Variants in CADPS2 observed in about 807,000 individuals in gnomAD.
CADPS2 encodes calcium-dependent secretion activator 2.
A neutral mutation model predicts 172.5 loss-of-function variants in CADPS2; 93 were observed. The observed-to-expected ratio is 0.54, with a 90% confidence interval of 0.46 to 0.64. The LOEUF (loss-of-function observed/expected upper bound fraction) is 0.64. Among genes scored for constraint, CADPS2 ranks in the 30% least tolerant of loss-of-function variants. CADPS2 has a pLI of 0.00. For synonymous variants in CADPS2, 546 were observed against 555.2 expected (o/e 0.98, Z 0.23); for missense variants, 1,420 against 1,565.9 (o/e 0.91, Z 1.57).
chr7:122,741,041 A>G (rs1047041011), intron 1 of CADPS2, among the ~76,000 whole-genome samples: 2 of 152,164 alleles, frequency 1.3e-5, no homozygotes, highest in Non-Finnish European at 2.9e-5. Flanking sequence ...GTAGAAGGTT[A>G]TTTACCACAT....
intron 7 of CADPS2, among the ~76,000 whole-genome samples, chr7:122,558,133 G>A (rs1165345310): frequency 6.6e-6 from 1 of 152,112 alleles, no homozygotes; most frequent in African/African-American, 2.4e-5. Context: ...GCATTTAGCA[G>A]TATCCTAACT....
intron 7 of CADPS2, among the ~76,000 whole-genome samples, chr7:122,558,774 T>C (rs1276042304): frequency 1.3e-5 from 2 of 152,222 alleles, no homozygotes; most frequent in Non-Finnish European, 2.9e-5. Flanking sequence ...CACTTCTACA[T>C]TGTTTCTTTT....
At chr7:122,721,802 G>A (rs2090442098) in intron 2 of CADPS2, among the ~76,000 whole-genome samples, 1 of 152,072 alleles carries the variant, frequency 6.6e-6, no homozygotes, top group East Asian at 1.9e-4. Flanking sequence ...ATAAAATACT[G>A]GCAAACTGAA....
intron 6 of CADPS2, among the ~76,000 whole-genome samples, chr7:122,597,913 A>T (rs1036138429): frequency 4.1e-5 from 6 of 147,438 alleles, no homozygotes; most frequent in Non-Finnish European, 9.0e-5. Flanking sequence ...TCTTTTTAAC[A>T]TTTTTTTTTT....
At chr7:122,491,479 T>A in intron 9 of CADPS2, 59 bp from the exon 10 acceptor site, 1 of 861,898 alleles carries the variant, frequency 1.2e-6, no homozygotes, top group Non-Finnish European at 1.8e-6. Context: ...AATTTAACTT[T>A]CGTTTTTTTA....
Position 122,708,698 on chromosome 7 carries a change from C to T in CADPS2, c.453+28257G>A, listed in dbSNP as rs77500267. Among the ~76,000 whole-genome samples the T allele has an allele frequency of 3.5e-3, 536 of 151,566 alleles. 14 individuals are homozygous for T. The East Asian group carries it at 0.065, about 19-fold the overall frequency. Reference sequence around the variant, plus strand: ...ATGGGCATAAATAAACTAAATTAAACTCTCTTCTTCATTCAGAATTCAAGT... The same window carrying T: ...ATGGGCATAAATAAACTAAATTAAATTCTCTTCTTCATTCAGAATTCAAGT... On this transcript the variant is annotated intron_variant, in intron 2 of 29. Transcript: ENST00000449022.
At chr7:122,818,957 C>A (rs1039534399) in intron 1 of CADPS2, among the ~76,000 whole-genome samples, 1 of 152,180 alleles carries the variant, frequency 6.6e-6, no homozygotes, top group Admixed American at 6.5e-5. Context: ...TTTTATTACC[C>A]AATCTGCTCC....
intron 1 of CADPS2, among the ~76,000 whole-genome samples, chr7:122,840,152 C>T (rs894357640): frequency 1.3e-5 from 2 of 152,070 alleles, no homozygotes; most frequent in African/African-American, 4.8e-5. Context: ...AGCTGGAAAC[C>T]ATCGTTCTGA....
At chr7:122,647,158 T>G (rs1360724635) in intron 3 of CADPS2, among the ~76,000 whole-genome samples, 2 of 152,178 alleles carry the variant, frequency 1.3e-5, no homozygotes, top group African/African-American at 4.8e-5. Context: ...AAAAGGTGGA[T>G]AGCAGGGGGC....
At chr7:122,668,906 A>T (rs2081471131) in intron 2 of CADPS2, among the ~76,000 whole-genome samples, 1 of 152,160 alleles carries the variant, frequency 6.6e-6, no homozygotes, top group Admixed American at 6.5e-5. Flanking sequence ...TCCGCATATA[A>T]CATCATCTGA....
chr7:122,527,168 A>T (rs1255887348), intron 8 of CADPS2, among the ~76,000 whole-genome samples: 2 of 152,106 alleles, frequency 1.3e-5, no homozygotes, highest in Non-Finnish European at 2.9e-5. Flanking sequence ...ATTTTAACTT[A>T]ATGTGAATGA....
In CADPS2 at chr7:122,600,703, T is replaced by G. The variant is rs193155170; in HGVS notation, c.1223+14478A>C. Among the ~76,000 whole-genome samples the G allele has an allele frequency of 1.9e-4, 29 of 152,222 alleles. 1 individual carries two copies. The highest frequency in any genetic ancestry group is 6.7e-4 in the African/African-American group (28 of 41,568). ...AAAACTTGTTATGACATGAGTTTGT[T>G]CAGAGCTGAACTTAAAATAACTTTT... On this transcript the variant is annotated intron_variant, in intron 6 of 29. Coordinates refer to ENST00000449022, the MANE Select transcript of CADPS2 (RefSeq NM_017954.11).
chr7:122,491,978 G>A (rs1450067500), intron 9 of CADPS2, among the ~76,000 whole-genome samples: 1 of 152,008 alleles, frequency 6.6e-6, no homozygotes, highest in Non-Finnish European at 1.5e-5. Context: ...CGAGACCATC[G>A]TGTCTAACAC....
chr7:122,642,297 G>A (rs1217926717), intron 3 of CADPS2, among the ~76,000 whole-genome samples: 2 of 144,454 alleles, frequency 1.4e-5, no homozygotes, highest in Non-Finnish European at 3.1e-5. Flanking sequence ...AAAAAAAAAG[G>A]AGAAATTAAT....
rs758081487 is a variant in CADPS2, at chr7:122,746,642, GAC to G, written c.340-9576_340-9575del. ...TAAAACACACAGACACACACACACA[GAC>G]ACACACACACACACACCCTCATGTT... On this transcript the variant is annotated intron_variant, in intron 1 of 29. Coordinates refer to ENST00000449022, the MANE Select transcript of CADPS2 (RefSeq NM_017954.11). 1.8e-3 allele frequency among the ~76,000 whole-genome samples: 258 copies of G among 142,342 alleles called. 1 individual carries two copies. Among genetic ancestry groups the G allele is most frequent in the Middle Eastern group, 3.7e-3 (1 of 272 alleles). 93.4% of individuals were successfully genotyped at this position (142,342 alleles called of 152,430 possible).
rs537622308 is a variant in CADPS2, at chr7:122,885,794, GGGA to G, written c.339+202_339+204del. Among the ~76,000 whole-genome samples, 1,200 of 152,296 alleles carry G rather than the reference GGGA, an allele frequency of 7.9e-3. 11 individuals carry two copies. The highest frequency in any genetic ancestry group is 0.015 in the Non-Finnish European group (1,014 of 68,020). The stretch of plus-strand genomic sequence containing the variant: ...CTGACAGCTCCTGCCAGCCCAGGCG[GGGA>G]GGAGGAGAAGAGGTGTCCGCTGCAG... On this transcript the variant is annotated intron_variant, in intron 1 of 29. Coordinates refer to ENST00000449022, the MANE Select transcript of CADPS2 (RefSeq NM_017954.11).
intron 6 of CADPS2, among the ~76,000 whole-genome samples, chr7:122,601,593 T>C (rs1183540469): frequency 6.6e-6 from 1 of 151,974 alleles, no homozygotes; most frequent in Non-Finnish European, 1.5e-5. Flanking sequence ...TTCTCTTCCT[T>C]AAAAAAACAT....
At chr7:122,330,817 G>A (rs1161503031) in intron 28 of CADPS2, 1 of 152,206 alleles carries the variant, frequency 6.6e-6, no homozygotes, top group Non-Finnish European at 1.5e-5. Flanking sequence ...CACAAATGCA[G>A]ACCCCGTGAG....
chr7:122,733,215 T>C (rs1035087881), intron 2 of CADPS2, among the ~76,000 whole-genome samples: 4 of 151,726 alleles, frequency 2.6e-5, no homozygotes, highest in African/African-American at 9.7e-5. Context: ...ACAATCATAT[T>C]CAAAAGAAAT....
Sources: gnomAD v4.1 joint callset for allele counts (sites outside exome capture counted in the v4.1 genomes callset) on GRCh38, gnomAD v4.1.1 for gene constraint, MANE v1.5 for transcripts, NCBI Gene and HGNC (gene_info 2026-07-23, HGNC 2026-07-21) for gene names.